The following PRKCA variants were observed in gnomAD, a reference collection of about 807,000 sequenced individuals.
PRKCA encodes the protein protein kinase C alpha type.
In PRKCA, 27 loss-of-function variants were observed where a neutral mutation model predicts 87.0. The observed-to-expected ratio is 0.31, with a 90% confidence interval of 0.23 to 0.43. The LOEUF is 0.43. Ranked by LOEUF, PRKCA falls within the 20% of genes least tolerant of loss-of-function variation. The probability of loss-of-function intolerance (pLI) is 1.00; values close to 1 mark genes in which losing one functional copy is unlikely to be tolerated. For synonymous variants in PRKCA, 329 were observed against 311.1 expected (o/e 1.06, Z -0.61); for missense variants, 518 against 852.3 (o/e 0.61, Z 4.88).
chr17:66,564,371 G>A (rs1168233313), intron 3 of PRKCA, among the ~76,000 whole-genome samples: 1 of 152,100 alleles, frequency 6.6e-6, no homozygotes, highest in African/African-American at 2.4e-5. Context: ...GAGCCACTGT[G>A]CCCAGCCTCT....
At chr17:66,393,722 TGTCTAGCCCAGGCCTGAGTGCAGCGC>T (rs572079894) in intron 2 of PRKCA, among the ~76,000 whole-genome samples, 2 of 151,628 alleles carry the variant, frequency 1.3e-5, no homozygotes, top group East Asian at 3.9e-4. Flanking sequence ...TGGACAGGGG[TGTCTAGCCCAGGCCTGAGTGCAGCGC>T]CCTCCCTGAG....
intron 2 of PRKCA, among the ~76,000 whole-genome samples, chr17:66,443,507 A>G (rs1913876150): frequency 6.6e-6 from 1 of 152,164 alleles, no homozygotes; most frequent in Non-Finnish European, 1.5e-5. Context: ...ACTTGACTCA[A>G]TAAATAACCC....
chr17:66,503,395 A>C (rs1916835406), intron 3 of PRKCA, among the ~76,000 whole-genome samples: 1 of 152,146 alleles, frequency 6.6e-6, no homozygotes, highest in Non-Finnish European at 1.5e-5. Flanking sequence ...GGTTCACTGA[A>C]GCCTGCCAGA....
chr17:66,395,893 C>T (rs1442043453), intron 2 of PRKCA, among the ~76,000 whole-genome samples: 1 of 152,062 alleles, frequency 6.6e-6, no homozygotes, highest in Non-Finnish European at 1.5e-5. Flanking sequence ...CTTTCCTGTA[C>T]AGGAAAGTAG....
chr17:66,739,983 G>A (rs1291823395), intron 11 of PRKCA, among the ~76,000 whole-genome samples: 1 of 152,108 alleles, frequency 6.6e-6, no homozygotes, highest in Non-Finnish European at 1.5e-5. Context: ...GAATGGAGCT[G>A]TAGTTAGGGC....
chr17:66,545,220 A>T (rs1166575997), intron 3 of PRKCA, among the ~76,000 whole-genome samples: 1 of 151,614 alleles, frequency 6.6e-6, no homozygotes. Flanking sequence ...CGAGGTCAGG[A>T]GATCGAGACC....
intron 3 of PRKCA, among the ~76,000 whole-genome samples, chr17:66,551,477 C>T (rs146641689): frequency 2.0e-5 from 3 of 152,362 alleles, no homozygotes; most frequent in East Asian, 1.9e-4. Flanking sequence ...CCTTGATTCT[C>T]GCCATAGGGC....
intron 16 of PRKCA, among the ~76,000 whole-genome samples, chr17:66,795,468 C>T (rs1194300296): frequency 2.0e-5 from 3 of 152,218 alleles, no homozygotes; most frequent in African/African-American, 7.2e-5. Context: ...TGATTTAAGC[C>T]TCTAAACTAG....
intron 2 of PRKCA, among the ~76,000 whole-genome samples, chr17:66,337,459 G>T (rs1906770255): frequency 6.6e-6 from 1 of 152,108 alleles, no homozygotes; most frequent in Non-Finnish European, 1.5e-5. Flanking sequence ...GCATTATCAT[G>T]GCACACCACA....
intron 3 of PRKCA, among the ~76,000 whole-genome samples, chr17:66,560,741 G>A (rs1001877040): frequency 6.6e-6 from 1 of 152,156 alleles, no homozygotes; most frequent in African/African-American, 2.4e-5. Context: ...AATCACCTGA[G>A]GAACTTAAGA....
intron 13 of PRKCA, among the ~76,000 whole-genome samples, chr17:66,771,718 C>T (rs998005308): frequency 6.6e-6 from 1 of 152,138 alleles, no homozygotes; most frequent in South Asian, 2.1e-4. Context: ...ACCTCAGCCT[C>T]CCAAGTAGCT....
chr17:66,394,350 A>G (rs1452724155), intron 2 of PRKCA, among the ~76,000 whole-genome samples: 1 of 152,152 alleles, frequency 6.6e-6, no homozygotes, highest in African/African-American at 2.4e-5. Context: ...AGTTAGGGAG[A>G]AAGTCAGGAT....
intron 4 of PRKCA, among the ~76,000 whole-genome samples, chr17:66,642,228 C>T (rs903667926): frequency 2.6e-5 from 4 of 151,912 alleles, no homozygotes; most frequent in Non-Finnish European, 5.9e-5. Flanking sequence ...CTCCCGAGTT[C>T]ACACCATTCT....
At chr17:66,650,440 TA>T (rs917046663) in intron 5 of PRKCA, among the ~76,000 whole-genome samples, 25 of 149,524 alleles carry the variant, frequency 1.7e-4, no homozygotes, top group Admixed American at 4.7e-4. Flanking sequence ...ATAGGAGTAG[TA>T]AAAAAAAAAT....
rs73995161 is a variant in PRKCA at position 66,393,285 on chromosome 17, C to T, written c.205+87158C>T. Among the ~76,000 whole-genome samples the T allele has an allele frequency of 5.6e-3, 855 of 152,234 alleles. 5 individuals are homozygous for T. The highest frequency in any genetic ancestry group is 0.018 in the African/African-American group (764 of 41,530). On this transcript the variant is annotated intron_variant, in intron 2 of 16. Coordinates refer to ENST00000413366, the MANE Select transcript of PRKCA (RefSeq NM_002737.3). ...ACATTGGAGGAAGATGTTCAGAAGG[C>T]GTGGAAGACACATCTTCGAGCAGCC...
intron 2 of PRKCA, among the ~76,000 whole-genome samples, chr17:66,406,584 G>GTTTTTTT (rs1242757426): frequency 4.7e-5 from 1 of 21,300 alleles, no homozygotes; most frequent in Non-Finnish European, 1.6e-4. Flanking sequence ...AGCTTTTCCA[G>GTTTTTTT]GTTTTTTTTT....
chr17:66,785,357 G>A (rs9901261), intron 14 of PRKCA, among the ~76,000 whole-genome samples: 1 of 151,920 alleles, frequency 6.6e-6, no homozygotes, highest in African/African-American at 2.4e-5. Context: ...ACCTGTGATC[G>A]AGGATTCAGT....
At chr17:66,334,322 A>G (rs1906528746) in intron 2 of PRKCA, among the ~76,000 whole-genome samples, 1 of 152,184 alleles carries the variant, frequency 6.6e-6, no homozygotes, top group Non-Finnish European at 1.5e-5. Flanking sequence ...CACATGATCA[A>G]GTCATCTCTG....
chr17:66,378,031 G>T (rs938752447), intron 2 of PRKCA, among the ~76,000 whole-genome samples: 3 of 152,126 alleles, frequency 2.0e-5, no homozygotes, highest in African/African-American at 7.2e-5. Context: ...TTAATATAAA[G>T]GTTCTTCTAG....
Sources: allele counts gnomAD v4.1 joint callset (sites outside exome capture counted in the v4.1 genomes callset), GRCh38; gene constraint gnomAD v4.1.1; transcripts MANE v1.5; gene names NCBI Gene and HGNC (gene_info 2026-07-23, HGNC 2026-07-21).